RBPJ: variants seen among roughly 807,000 people sequenced by gnomAD.
RBPJ encodes recombining binding protein suppressor of hairless.
In RBPJ, 9 loss-of-function variants were observed where a neutral mutation model predicts 67.8. The observed-to-expected ratio is 0.13, with a 90% CI of 0.08 to 0.23. RBPJ has a LOEUF of 0.23. Among genes scored for constraint, RBPJ ranks in the 10% least tolerant of loss-of-function variants. RBPJ has a pLI of 1.00. For synonymous variants in RBPJ, 198 were observed against 203.3 expected (o/e 0.97, Z 0.22); for missense variants, 305 against 595.6 (o/e 0.51, Z 5.08).
intron 1 of RBPJ, among the ~76,000 whole-genome samples, chr4:26,174,349 A>G (rs1169763469): frequency 6.6e-6 from 1 of 152,248 alleles, no homozygotes; most frequent in Admixed American, 6.5e-5. Flanking sequence ...TTTCTCACTC[A>G]GCTCTGGCTA....
chr4:26,229,332 G>A (rs1577495552), intron 1 of RBPJ, among the ~76,000 whole-genome samples: 1 of 152,176 alleles, frequency 6.6e-6, no homozygotes, highest in Admixed American at 6.5e-5. Flanking sequence ...GTGTATCAGT[G>A]TGTATGATCT....
chr4:26,321,355 G>A (rs1344484577), intron 1 of RBPJ: 2 of 151,360 alleles, frequency 1.3e-5, no homozygotes, highest in Non-Finnish European at 3.0e-5. Flanking sequence ...GCCTCCAGCG[G>A]GCTCTGCCTG....
the RBPJ span, chr4:26,113,340 G>A: frequency 1.9e-6 from 1 of 537,580 alleles, no homozygotes. Context: ...GGTGAATGTG[G>A]GAAAACCTTG....
chr4:26,148,363 C>A, the RBPJ span, among the ~76,000 whole-genome samples: 12 of 152,104 alleles, frequency 7.9e-5, no homozygotes, highest in Non-Finnish European at 1.8e-4. Flanking sequence ...GAGAGGTCAG[C>A]GTTGAAGAAC....
chr4:26,281,216 A>G (rs549109908), intron 1 of RBPJ, among the ~76,000 whole-genome samples: 1 of 152,156 alleles, frequency 6.6e-6, no homozygotes, highest in Non-Finnish European at 1.5e-5. Context: ...GTATCTAAAA[A>G]TCTTATTTAA....
At chr4:26,218,127 C>T (rs1402790488) in intron 1 of RBPJ, among the ~76,000 whole-genome samples, 1 of 152,158 alleles carries the variant, frequency 6.6e-6, no homozygotes, top group Non-Finnish European at 1.5e-5. Context: ...CTTGAGCAAA[C>T]CCAGGGCCAC....
At chr4:26,204,531 C>T (rs904802900) in intron 1 of RBPJ, among the ~76,000 whole-genome samples, 11 of 152,108 alleles carry the variant, frequency 7.2e-5, no homozygotes, top group Non-Finnish European at 1.5e-4. Flanking sequence ...TCTAGCCATC[C>T]GCTGGGGATG....
rs902708092 is a variant in RBPJ at position 26,433,114 on chromosome 4, C to G, written c.*2107C>G. The G allele has an allele frequency of 2.6e-5, 4 of 152,172 alleles. No individual in the cohort carries two copies. The highest frequency in any genetic ancestry group is 5.9e-5 in the Non-Finnish European group (4 of 68,042). 9.4% of individuals were successfully genotyped at this position (152,172 alleles called of 1,614,324 possible). On this transcript the variant is annotated 3_prime_UTR_variant, in exon 11 of 11. Coordinates refer to ENST00000355476, the MANE Select transcript of RBPJ (RefSeq NM_015874.6). ...ATCGCCTTTTTTCTTCAAATCTGCT[C>G]CAATCACTCACTTCTCTCTTATAAG... is the stretch of plus-strand genomic sequence containing the variant.
chr4:26,328,649 A>G (rs1383996365), intron 1 of RBPJ, among the ~76,000 whole-genome samples: 12 of 152,076 alleles, frequency 7.9e-5, no homozygotes. Flanking sequence ...TTTTTTAGAG[A>G]CAGTCTCATT....
downstream of RBPJ, chr4:26,434,977 C>G (rs1308873971): frequency 2.6e-5 from 4 of 152,168 alleles, no homozygotes; most frequent in African/African-American, 9.7e-5. Flanking sequence ...TTTCAGAATA[C>G]TTCATAAAGA....
the RBPJ span, among the ~76,000 whole-genome samples, chr4:26,157,576 C>G: frequency 0.013 from 1,906 of 152,244 alleles, 46 homozygotes; most frequent in African/African-American, 0.043. Context: ...TAGATGGAAG[C>G]CAGTATAAGG....
At chr4:26,395,476 A>G (rs535046749) in intron 2 of RBPJ, among the ~76,000 whole-genome samples, 1 of 152,158 alleles carries the variant, frequency 6.6e-6, no homozygotes, top group African/African-American at 2.4e-5. Flanking sequence ...AATGAGCTTT[A>G]TATCTATTGT....
chr4:26,157,094 C>CAAAAAAAAAAAAAA, the RBPJ span, among the ~76,000 whole-genome samples: 1 of 27,482 alleles, frequency 3.6e-5, no homozygotes, highest in Non-Finnish European at 8.5e-5. Context: ...AACAAACAAA[C>CAAAAAAAAAAAAAA]AAACAAAAAC....
At chr4:26,335,083 C>G (rs1421890278) in intron 1 of RBPJ, among the ~76,000 whole-genome samples, 2 of 152,152 alleles carry the variant, frequency 1.3e-5, no homozygotes, top group Non-Finnish European at 2.9e-5. Flanking sequence ...GACTTGATAT[C>G]TGTTATAGTG....
chr4:26,171,087 G>A (rs1716563731), intron 1 of RBPJ, among the ~76,000 whole-genome samples: 1 of 152,156 alleles, frequency 6.6e-6, no homozygotes. Context: ...TGTTTGCGCT[G>A]TGCCTCTTCC....
chr4:26,372,696 T>G (rs1050149685), intron 1 of RBPJ, among the ~76,000 whole-genome samples: 8 of 152,228 alleles, frequency 5.3e-5, no homozygotes, highest in Admixed American at 5.2e-4. Flanking sequence ...ATGTGTACTT[T>G]AATCAGTGCT....
At chr4:26,156,240 A>G in the RBPJ span, among the ~76,000 whole-genome samples, 1 of 152,184 alleles carries the variant, frequency 6.6e-6, no homozygotes, top group African/African-American at 2.4e-5. Flanking sequence ...CAAGTTGACA[A>G]TCTGATATTT....
At chr4:26,374,270 C>T (rs965892537) in intron 1 of RBPJ, among the ~76,000 whole-genome samples, 1 of 151,998 alleles carries the variant, frequency 6.6e-6, no homozygotes, top group Non-Finnish European at 1.5e-5. Flanking sequence ...CATTTTCTTA[C>T]TTCTAGTAAT....
In RBPJ at chr4:26,264,611, C is replaced by A. The variant is rs766274852; in HGVS notation, c.-166-97835C>A. On this transcript the variant is annotated intron_variant, in intron 1 of 4. Transcript: ENST00000512351. This position sits in a 1 kb window ranked among gnomAD's most constrained non-coding sequence, Gnocchi z 4.1. ...CACCATATAGGCACATACACTCACACACACTTGCTGTCTTCCTCTCTTCCC... is the reference window on the plus strand; with the variant it reads ...CACCATATAGGCACATACACTCACAAACACTTGCTGTCTTCCTCTCTTCCC... Among the ~76,000 whole-genome samples the A allele has an allele frequency of 2.0e-5, 3 of 152,212 alleles. No individual in the cohort carries two copies. The highest frequency in any genetic ancestry group is 4.4e-5 in the Non-Finnish European group (3 of 68,048).
Sources: allele counts gnomAD v4.1 joint callset (sites outside exome capture counted in the v4.1 genomes callset), GRCh38; gene constraint gnomAD v4.1.1; non-coding constraint Gnocchi (gnomAD v3.1); transcripts MANE v1.5; gene names NCBI Gene and HGNC (gene_info 2026-07-23, HGNC 2026-07-21).